The following MBOAT1 variants were observed in gnomAD, a reference collection of about 807,000 sequenced individuals.
MBOAT1 encodes the protein membrane-bound glycerophospholipid O-acyltransferase 1.
Under a neutral mutation model 64.4 loss-of-function variants are expected in MBOAT1, and 67 were observed. The ratio of observed to expected loss-of-function variants is 1.04; its 90% CI spans 0.85 to 1.27. The LOEUF (loss-of-function observed/expected upper bound fraction) is 1.27. Ranked by LOEUF, MBOAT1 falls within the 50% of genes most tolerant of loss-of-function variation. MBOAT1 has a pLI of 0.00. For missense variants in MBOAT1, 563 were observed against 604.6 expected, an observed-to-expected ratio of 0.93 and a Z score of 0.72; for synonymous variants, 229 against 218.9, an observed-to-expected ratio of 1.05 and a Z score of -0.41.
intron 12 of MBOAT1, among the ~76,000 whole-genome samples, chr6:20,108,781 A>C (rs1760034484): frequency 6.6e-6 from 1 of 152,244 alleles, no homozygotes; most frequent in Non-Finnish European, 1.5e-5. Context: ...AGCCCTCTGC[A>C]CATTTATCTC....
At chr6:20,115,773 G>A (rs752952176) in intron 9 of MBOAT1, among the ~76,000 whole-genome samples, 5 of 152,118 alleles carry the variant, frequency 3.3e-5, no homozygotes, top group Non-Finnish European at 5.9e-5. Flanking sequence ...TTTTCACTGC[G>A]TAGCCCTCTA....
At chr6:20,104,607 C>T (rs1282638945) in intron 12 of MBOAT1, among the ~76,000 whole-genome samples, 3 of 152,208 alleles carry the variant, frequency 2.0e-5, no homozygotes, top group Non-Finnish European at 4.4e-5. Flanking sequence ...AAAGGTTCAA[C>T]TTATACTTTC....
chr6:20,190,129 G>A (rs1252439230), intron 1 of MBOAT1, among the ~76,000 whole-genome samples: 2 of 151,972 alleles, frequency 1.3e-5, no homozygotes, highest in Non-Finnish European at 2.9e-5. Context: ...CAAGTTGCTG[G>A]GACTACAGGC....
chr6:20,183,922 A>G (rs1306804988), intron 1 of MBOAT1, among the ~76,000 whole-genome samples: 2 of 152,202 alleles, frequency 1.3e-5, no homozygotes, highest in African/African-American at 4.8e-5. Context: ...AAAATGAGGA[A>G]GAAGTAAAAG....
intron 6 of MBOAT1, 81 bp downstream of exon 6, chr6:20,128,618 G>T: frequency 1.1e-6 from 1 of 948,102 alleles, no homozygotes; most frequent in Non-Finnish European, 1.6e-6. Flanking sequence ...CAGAATTAAT[G>T]TGTAGATATT....
intron 4 of MBOAT1, among the ~76,000 whole-genome samples, chr6:20,138,777 T>C (rs886900246): frequency 6.6e-6 from 1 of 152,170 alleles, no homozygotes; most frequent in Non-Finnish European, 1.5e-5. Flanking sequence ...CTAGGGCTGC[T>C]GTGAGAAATT....
intron 1 of MBOAT1, among the ~76,000 whole-genome samples, chr6:20,164,793 C>T (rs1761969864): frequency 6.6e-6 from 1 of 152,150 alleles, no homozygotes. Flanking sequence ...GATGGTTCGA[C>T]TTACGATTTT....
chr6:20,147,065 G>A (rs1761346404), intron 3 of MBOAT1, among the ~76,000 whole-genome samples: 1 of 152,140 alleles, frequency 6.6e-6, no homozygotes, highest in African/African-American at 2.4e-5. Flanking sequence ...TTTTGTAAAG[G>A]GGATTTCCCC....
intron 12 of MBOAT1, among the ~76,000 whole-genome samples, chr6:20,105,423 G>A (rs1035295229): frequency 6.6e-6 from 1 of 152,194 alleles, no homozygotes; most frequent in African/African-American, 2.4e-5. Context: ...AATTAGGCAG[G>A]GTTCCTGCTC....
rs1422331692 is a variant in MBOAT1 at position 20,099,910 on chromosome 6, T to G, written c.*2376A>C. Among the ~76,000 whole-genome samples, 1 of 152,228 alleles carries G rather than the reference T, an allele frequency of 6.6e-6. No individual in the cohort carries two copies. Among genetic ancestry groups the G allele is most frequent in the African/African-American group, 2.4e-5 (1 of 41,454 alleles). The stretch of plus-strand genomic sequence containing the variant: ...AGAAAAAGGATGCTAATCAGTCTCC[T>G]ATGTGTTGTTCTTTTTATACAGAAT... On this transcript the variant is annotated 3_prime_UTR_variant, in exon 13 of 13. Transcript: ENST00000324607.
At chr6:20,105,627 G>A (rs1434798850) in intron 12 of MBOAT1, among the ~76,000 whole-genome samples, 1 of 152,078 alleles carries the variant, frequency 6.6e-6, no homozygotes, top group Non-Finnish European at 1.5e-5. Context: ...AGGCGGGTGC[G>A]GTCGCACGTG....
At position 20,124,214 on chromosome 6, in the gene MBOAT1, T is replaced by C. The variant is rs778160325; in HGVS notation, c.907+194A>G. Among the ~76,000 whole-genome samples, 3 of 152,154 alleles carry C rather than the reference T, an allele frequency of 2.0e-5. No homozygotes were observed. In the South Asian group the frequency reaches 6.2e-4, roughly 32 times the overall value. On this transcript the variant is annotated intron_variant, in intron 8 of 12. Coordinates refer to ENST00000324607, the MANE Select transcript of MBOAT1 (RefSeq NM_001080480.3). The stretch of plus-strand genomic sequence containing the variant: ...AACAGCCAGGGTGTTTTTCTCCTTA[T>C]CATGGAGAACTGAGTTTATGGAGGG...
At chr6:20,114,677 G>T (rs1760268310) in intron 10 of MBOAT1, among the ~76,000 whole-genome samples, 1 of 152,082 alleles carries the variant, frequency 6.6e-6, no homozygotes, top group Non-Finnish European at 1.5e-5. Flanking sequence ...GAGGTCAGGA[G>T]TTCGAGATCA....
intron 12 of MBOAT1, among the ~76,000 whole-genome samples, chr6:20,105,060 T>C (rs1759911220): frequency 6.6e-6 from 1 of 152,196 alleles, no homozygotes; most frequent in African/African-American, 2.4e-5. Context: ...GAAAAAGTGC[T>C]CCACAGATAA....
intron 11 of MBOAT1, among the ~76,000 whole-genome samples, chr6:20,111,114 A>G (rs1246423393): frequency 6.6e-6 from 1 of 152,186 alleles, no homozygotes; most frequent in Non-Finnish European, 1.5e-5. Flanking sequence ...TAAAGAGACA[A>G]TTCTTTGAAA....
intron 1 of MBOAT1, among the ~76,000 whole-genome samples, chr6:20,168,326 A>G (rs1041396045): frequency 6.6e-6 from 1 of 152,092 alleles, no homozygotes; most frequent in Non-Finnish European, 1.5e-5. Context: ...ATAGCCAGGC[A>G]TAATGGCACG....
chr6:20,126,263 C>T (rs1046051605), intron 7 of MBOAT1, among the ~76,000 whole-genome samples: 1 of 152,190 alleles, frequency 6.6e-6, no homozygotes, highest in African/African-American at 2.4e-5. Flanking sequence ...TGCTGGACAC[C>T]TTGTATGCAC....
intron 1 of MBOAT1, among the ~76,000 whole-genome samples, chr6:20,159,734 TG>T (rs1761793818): frequency 6.6e-6 from 1 of 152,166 alleles, no homozygotes; most frequent in African/African-American, 2.4e-5. Flanking sequence ...AATATACATA[TG>T]TATCAAAACA....
At position 20,126,689 on chromosome 6, in the gene MBOAT1, G is replaced by C; in HGVS notation, c.542C>G (p.Ser181Cys). The C allele has an allele frequency of 2.5e-6, 4 of 1,610,158 alleles. No homozygotes were observed. Among genetic ancestry groups the C allele is most frequent in the Non-Finnish European group, 3.4e-6 (4 of 1,178,344 alleles). The change falls in exon 7 of 13, where the codon TCT becomes TGT. Residue 181 changes from serine to cysteine, a missense_variant. By Grantham distance (112) the Ser-to-Cys change is moderately radical. Coordinates refer to ENST00000324607, the MANE Select transcript of MBOAT1 (RefSeq NM_001080480.3). ...QHRLAIKVKP[S>C]FLEYLSYLLN... ...AAGGTAACTTAAGTATTCCAAAAAA[G>C]AGGGTTTCACTCTGTGAAAATAAAG...
Sources: allele counts gnomAD v4.1 joint callset (sites outside exome capture counted in the v4.1 genomes callset), GRCh38; gene constraint gnomAD v4.1.1; transcripts MANE v1.5; gene names NCBI Gene and HGNC (gene_info 2026-07-23, HGNC 2026-07-21).